The following SND1 variants were observed in gnomAD, a reference collection of about 807,000 sequenced individuals.
SND1 encodes the protein staphylococcal nuclease and tudor domain containing 1.
SND1 carries 38 observed loss-of-function variants against 121.7 expected under a neutral mutation model. That is an observed-to-expected ratio of 0.31 (90% confidence interval 0.24 to 0.41). SND1 has a LOEUF of 0.41. SND1 is among the 10% of genes least tolerant of loss of function. SND1 has a pLI of 1.00. For missense variants in SND1, 868 were observed against 1,184.6 expected, an observed-to-expected ratio of 0.73 and a Z score of 3.92; for synonymous variants, 401 against 447.4, an observed-to-expected ratio of 0.90 and a Z score of 1.31.
intron 16 of SND1, chr7:128,030,856 C>G: frequency 1.9e-6 from 1 of 532,894 alleles, no homozygotes; most frequent in Non-Finnish European, 3.3e-6. Context: ...GCAAGCCCTC[C>G]GAAAGCTACG....
intron 15 of SND1, among the ~76,000 whole-genome samples, chr7:127,948,769 C>T (rs1214170975): frequency 2.0e-5 from 3 of 152,226 alleles, no homozygotes; most frequent in Non-Finnish European, 4.4e-5. Context: ...GCTCAAATGT[C>T]TCCCAGATAT....
intron 16 of SND1, chr7:127,999,672 G>A (rs1420260729): frequency 6.6e-6 from 1 of 152,122 alleles, no homozygotes; most frequent in Non-Finnish European, 1.5e-5. Context: ...TTGCAATTGG[G>A]GAATGCATGT....
intron 16 of SND1, among the ~76,000 whole-genome samples, chr7:128,017,194 A>T (rs1210198018): frequency 6.6e-6 from 1 of 152,206 alleles, no homozygotes; most frequent in East Asian, 1.9e-4. Flanking sequence ...GTGATTCAGA[A>T]GAGCACACAG....
intron 18 of SND1, 104 bp from the exon 19 acceptor site, chr7:128,084,620 A>G: frequency 7.6e-7 from 1 of 1,317,820 alleles, no homozygotes. Context: ...AGTGCCCCCC[A>G]GAATTTTACA....
chr7:127,850,846 A>T (rs1799152142), intron 12 of SND1, among the ~76,000 whole-genome samples: 2 of 152,218 alleles, frequency 1.3e-5, no homozygotes, highest in Admixed American at 1.3e-4. Flanking sequence ...CTTGAGAAAG[A>T]AGTAGTTGAA....
chr7:127,967,768 AT>A (rs1366294054), intron 15 of SND1, among the ~76,000 whole-genome samples: 1 of 152,220 alleles, frequency 6.6e-6, no homozygotes, highest in Non-Finnish European at 1.5e-5. Flanking sequence ...GCTAAAAAAT[AT>A]TTCCAAGAGA....
chr7:127,658,435 T>G (rs1315701017), intron 1 of SND1, among the ~76,000 whole-genome samples: 3 of 152,338 alleles, frequency 2.0e-5, no homozygotes, highest in Middle Eastern at 6.8e-3. Flanking sequence ...AAAGTCACTA[T>G]TTTTCTTCTA....
intron 16 of SND1, among the ~76,000 whole-genome samples, chr7:128,054,837 C>T (rs1260777950): frequency 6.6e-6 from 1 of 152,176 alleles, no homozygotes; most frequent in East Asian, 1.9e-4. Context: ...GTTTGTAATT[C>T]TGAGGCCGAA....
chr7:127,878,427 C>T (rs1044951850), intron 12 of SND1, among the ~76,000 whole-genome samples: 1 of 152,138 alleles, frequency 6.6e-6, no homozygotes, highest in African/African-American at 2.4e-5. Flanking sequence ...TTTATGTTGC[C>T]ATATAACCAC....
intron 14 of SND1, among the ~76,000 whole-genome samples, chr7:127,919,636 C>T (rs1329731656): frequency 6.6e-6 from 1 of 152,100 alleles, no homozygotes; most frequent in Admixed American, 6.5e-5. Context: ...ATGCCATATA[C>T]CATGTGTAAG....
At chr7:128,090,927 A>G (rs900610647) in intron 22 of SND1, among the ~76,000 whole-genome samples, 2 of 152,134 alleles carry the variant, frequency 1.3e-5, no homozygotes. Context: ...GAAACTGCCC[A>G]TAATGCCCCT....
chr7:127,820,104 G>T (rs1421161027), intron 11 of SND1, among the ~76,000 whole-genome samples: 1 of 152,206 alleles, frequency 6.6e-6, no homozygotes, highest in African/African-American at 2.4e-5. Context: ...GGTCAAAGCA[G>T]ATCTTTTTAT....
intron 14 of SND1, among the ~76,000 whole-genome samples, chr7:127,912,491 C>T (rs1256117164): frequency 6.6e-6 from 1 of 152,132 alleles, no homozygotes; most frequent in Non-Finnish European, 1.5e-5. Context: ...AATTGATTCC[C>T]ACCCTGTAAG....
intron 16 of SND1, among the ~76,000 whole-genome samples, chr7:128,039,181 C>G (rs1792806072): frequency 6.6e-6 from 1 of 152,220 alleles, no homozygotes; most frequent in Non-Finnish European, 1.5e-5. Context: ...GGTGGTTGTC[C>G]TGTCCAGAGT....
At chr7:127,721,066 G>A (rs751472942) in intron 9 of SND1, among the ~76,000 whole-genome samples, 1 of 152,176 alleles carries the variant, frequency 6.6e-6, no homozygotes, top group Non-Finnish European at 1.5e-5. Context: ...CTTTATGAAT[G>A]ATACAGATTT....
Position 128,029,232 on chromosome 7 carries a change from G to C in SND1, c.1779+38176G>C, listed in dbSNP as rs564369603. ...GGTAGGAACAGGCTTGTACTTTCGC[G>C]TTGTGTCCTCAGGCGAGATCTCCGT... On this transcript the variant is annotated intron_variant, in intron 16 of 23. Transcript: ENST00000354725. This position sits in a 1 kb window ranked among gnomAD's most constrained non-coding sequence, Gnocchi z 4.2. 1 of 1,614,148 alleles carries C rather than the reference G, an allele frequency of 6.2e-7. No homozygotes were observed. Among genetic ancestry groups the C allele is most frequent in the Non-Finnish European group, 8.5e-7 (1 of 1,180,038 alleles).
At chr7:128,048,243 G>A (rs1792985372) in intron 16 of SND1, among the ~76,000 whole-genome samples, 1 of 152,004 alleles carries the variant, frequency 6.6e-6, no homozygotes, top group East Asian at 1.9e-4. Context: ...GCTCCGAATT[G>A]GAACTGGCAG....
At chr7:127,994,498 C>T (rs1411015509) in intron 16 of SND1, among the ~76,000 whole-genome samples, 2 of 136,242 alleles carry the variant, frequency 1.5e-5, no homozygotes, top group African/African-American at 5.5e-5. Context: ...GCTTCTCCAG[C>T]CTTGAAGCCC....
intron 10 of SND1, among the ~76,000 whole-genome samples, chr7:127,751,960 G>T (rs967349092): frequency 6.6e-6 from 1 of 152,218 alleles, no homozygotes; most frequent in African/African-American, 2.4e-5. Flanking sequence ...ATCCCAAGTA[G>T]CATCCAAGTG....
Sources: gnomAD v4.1 joint callset for allele counts (sites outside exome capture counted in the v4.1 genomes callset) on GRCh38, gnomAD v4.1.1 for gene constraint, Gnocchi (gnomAD v3.1) non-coding constraint, MANE v1.5 for transcripts, NCBI Gene and HGNC (gene_info 2026-07-23, HGNC 2026-07-21) for gene names.